Variants in WLS observed in about 807,000 individuals in gnomAD.
WLS encodes Wnt ligand secretion mediator.
WLS carries 23 observed loss-of-function variants against 62.8 expected under a neutral mutation model. The observed-to-expected ratio is 0.37, with a 90% CI of 0.26 to 0.52. The LOEUF (loss-of-function observed/expected upper bound fraction) is 0.52, where lower values mean the gene tolerates loss of function less well. Among genes scored for constraint, WLS ranks in the 20% least tolerant of loss-of-function variants. The pLI is 0.92. For missense variants in WLS, 615 were observed against 697.3 expected, an observed-to-expected ratio of 0.88 and a Z score of 1.33; for synonymous variants, 246 against 244.1, an observed-to-expected ratio of 1.01 and a Z score of -0.07.
chr1:68,115,393 A>G (rs1009185271), intron 11 of WLS, among the ~76,000 whole-genome samples: 2 of 152,248 alleles, frequency 1.3e-5, no homozygotes, highest in African/African-American at 2.4e-5. Context: ...GGAATTCGCC[A>G]TTCTTCACGA....
intron 10 of WLS, among the ~76,000 whole-genome samples, chr1:68,140,879 G>A (rs896391380): frequency 1.3e-5 from 2 of 152,188 alleles, no homozygotes; most frequent in Middle Eastern, 3.4e-3. Context: ...AACAGAGCAG[G>A]CCTTGTAAAT....
intron 11 of WLS, among the ~76,000 whole-genome samples, chr1:68,110,741 A>G (rs1646218131): frequency 2.1e-5 from 1 of 48,134 alleles, no homozygotes; most frequent in Admixed American, 2.4e-4. Context: ...TTGTATATAT[A>G]TGTGTGTATA....
At chr1:68,124,881 A>C (rs1646406721), downstream of WLS, among the ~76,000 whole-genome samples, 1 of 152,218 alleles carries the variant, frequency 6.6e-6, no homozygotes, top group Non-Finnish European at 1.5e-5. Context: ...CAGGAAAAAC[A>C]CATTTATGTG....
intron 1 of WLS, among the ~76,000 whole-genome samples, chr1:68,223,716 G>A (rs1290530880): frequency 2.0e-5 from 3 of 152,180 alleles, no homozygotes; most frequent in Non-Finnish European, 4.4e-5. Flanking sequence ...TGAGGAAGGA[G>A]GGCTCTGTTT....
intron 10 of WLS, among the ~76,000 whole-genome samples, chr1:68,139,570 G>A (rs1646658407): frequency 6.6e-6 from 1 of 152,178 alleles, no homozygotes; most frequent in Non-Finnish European, 1.5e-5. Context: ...CTTCTACTCT[G>A]TTAAGGCAGT....
chr1:68,187,189 C>CAAAAAAAA (rs34130992), intron 2 of WLS, among the ~76,000 whole-genome samples: 20 of 57,168 alleles, frequency 3.5e-4, no homozygotes, highest in East Asian at 1.6e-3. Context: ...ACTCCATCTC[C>CAAAAAAAA]AAAAAAAAAA....
Position 68,154,224 on chromosome 1 carries a change from A to C in WLS, c.667-571T>G, listed in dbSNP as rs557422121. On this transcript the variant is annotated intron_variant, in intron 4 of 11. Coordinates refer to ENST00000262348, the MANE Select transcript of WLS (RefSeq NM_024911.7). The stretch of plus-strand genomic sequence containing the variant: ...TCTTAACACCTCTCTTGGCCGTTTA[A>C]TCCTCATTCTACCCTCACATCTTAC... 1.6e-3 allele frequency among the ~76,000 whole-genome samples: 241 copies of C among 152,258 alleles called. 7 individuals carry two copies. The highest frequency in any genetic ancestry group is 1.8e-3 in the Non-Finnish European group (124 of 68,010).
Position 68,162,577 on chromosome 1 carries a change from G to A in WLS, c.380-3330C>T, listed in dbSNP as rs111862343. 138 of 1,522,880 alleles carry A rather than the reference G, an allele frequency of 9.1e-5. 2 individuals carry two copies. In the African/African-American group the frequency reaches 1.4e-3, roughly 16 times the overall value. The allele number at this position is 1,522,880 out of a possible 1,614,324, so 94.3% of individuals were successfully genotyped here. A position where few individuals can be genotyped will look rare whatever the true frequency, so the allele number is the denominator to read the frequency against. On this transcript the variant is annotated intron_variant, in intron 2 of 11. Transcript: ENST00000262348. ...CCCACGGATGCTGGCCGATCCCGAGGCCAACTCGCGGTTCTGCTCCATGCT... is the reference window on the plus strand; with the variant it reads ...CCCACGGATGCTGGCCGATCCCGAGACCAACTCGCGGTTCTGCTCCATGCT...
intron 11 of WLS, among the ~76,000 whole-genome samples, chr1:68,130,446 G>A (rs1646502218): frequency 6.6e-6 from 1 of 152,142 alleles, no homozygotes; most frequent in African/African-American, 2.4e-5. Flanking sequence ...CAAACCATCT[G>A]TGTCTACCTC....
chr1:68,172,484 A>G (rs1647169740), intron 2 of WLS, among the ~76,000 whole-genome samples: 1 of 152,184 alleles, frequency 6.6e-6, no homozygotes, highest in African/African-American at 2.4e-5. Context: ...AAGAGTAGGG[A>G]TAAAAAGGCA....
chr1:68,162,767 C>A, intron 2 of WLS: 1 of 1,092,414 alleles, frequency 9.2e-7, no homozygotes, highest in Non-Finnish European at 1.4e-6. Flanking sequence ...TCCACGTTAT[C>A]GTAGCCACTG....
intron 10 of WLS, among the ~76,000 whole-genome samples, chr1:68,141,026 A>G (rs1646678986): frequency 1.3e-5 from 2 of 150,106 alleles, no homozygotes; most frequent in South Asian, 4.2e-4. Flanking sequence ...CCTCTGCATA[A>G]GTCTTATTTC....
At chr1:68,132,327 C>T (rs984896903) in intron 11 of WLS, among the ~76,000 whole-genome samples, 9 of 152,146 alleles carry the variant, frequency 5.9e-5, no homozygotes, top group African/African-American at 2.2e-4. Context: ...CTGGGTCCAG[C>T]CCGTGTGACA....
chr1:68,193,361 T>C (rs1167575965), intron 2 of WLS, among the ~76,000 whole-genome samples: 1 of 115,362 alleles, frequency 8.7e-6, no homozygotes, highest in Admixed American at 1.2e-4. Context: ...AAAGTTTATA[T>C]GTCTCATGCC....
At chr1:68,138,249 A>C in intron 10 of WLS, 1 of 281,176 alleles carries the variant, frequency 3.6e-6, no homozygotes, top group African/African-American at 2.2e-5. Flanking sequence ...GTTTGAGCCC[A>C]TCACTTATTC....
At chr1:68,220,632 G>A (rs11209233) in intron 1 of WLS, among the ~76,000 whole-genome samples, 28,702 of 152,172 alleles carry the variant, frequency 0.19, 2,748 homozygotes, top group Admixed American at 0.23. Flanking sequence ...GAGAGATCAA[G>A]TTTCTCAAGG....
chr1:68,200,010 C>T (rs1168799811), intron 1 of WLS, among the ~76,000 whole-genome samples: 1 of 152,246 alleles, frequency 6.6e-6, no homozygotes, highest in Middle Eastern at 3.4e-3. Context: ...GAATAATCTG[C>T]TTTGGGGTAC....
At chr1:68,110,687 C>T (rs1047725140) in intron 11 of WLS, among the ~76,000 whole-genome samples, 1 of 132,264 alleles carries the variant, frequency 7.6e-6, no homozygotes, top group African/African-American at 2.8e-5. Context: ...CTCTCTCTCT[C>T]TCTCCATATA....
chr1:68,202,256 G>GT (rs546724785), intron 1 of WLS: 77 of 152,324 alleles, frequency 5.1e-4, no homozygotes, highest in Non-Finnish European at 7.2e-4. Context: ...ATTGGTGCTA[G>GT]TTTTTTACCC....
Sources: allele counts gnomAD v4.1 joint callset (sites outside exome capture counted in the v4.1 genomes callset), GRCh38; gene constraint gnomAD v4.1.1; transcripts MANE v1.5; gene names NCBI Gene and HGNC (gene_info 2026-07-23, HGNC 2026-07-21).